Variants in EPHA6 observed in about 807,000 individuals in gnomAD.
EPHA6 encodes the protein ephrin type-A receptor 6.
EPHA6 carries 50 observed loss-of-function variants against 112.0 expected under a neutral mutation model. The ratio of observed to expected loss-of-function variants is 0.45; its 90% CI spans 0.36 to 0.56. The LOEUF is 0.56. Among genes scored for constraint, EPHA6 ranks in the 20% least tolerant of loss-of-function variants. EPHA6 has a pLI of 0.00. For synonymous variants in EPHA6, 529 were observed against 490.7 expected, an observed-to-expected ratio of 1.08 and a Z score of -1.03; for missense variants, 1,280 against 1,417.4, an observed-to-expected ratio of 0.90 and a Z score of 1.56.
intron 3 of EPHA6, among the ~76,000 whole-genome samples, chr3:97,176,851 T>C (rs2076849833): frequency 6.6e-6 from 1 of 151,924 alleles, no homozygotes; most frequent in Non-Finnish European, 1.5e-5. Flanking sequence ...TTCTGTTTCA[T>C]TGATCTTTTG....
chr3:97,018,448 G>A (rs917919772), intron 3 of EPHA6, among the ~76,000 whole-genome samples: 2 of 152,158 alleles, frequency 1.3e-5, no homozygotes, highest in African/African-American at 2.4e-5. Context: ...ACAAGACAAA[G>A]GGGCAGGATA....
intron 14 of EPHA6, among the ~76,000 whole-genome samples, chr3:97,702,895 A>G (rs970944951): frequency 6.6e-6 from 1 of 152,194 alleles, no homozygotes. Context: ...GAGTTAGACT[A>G]TTGACCCCAT....
chr3:97,401,067 C>T (rs1455404270), intron 5 of EPHA6, among the ~76,000 whole-genome samples: 1 of 151,664 alleles, frequency 6.6e-6, no homozygotes, highest in South Asian at 2.1e-4. Context: ...TCACATATGG[C>T]CTTTATTGTG....
intron 5 of EPHA6, among the ~76,000 whole-genome samples, chr3:97,302,372 T>C (rs1385645794): frequency 6.6e-6 from 1 of 151,904 alleles, no homozygotes; most frequent in Non-Finnish European, 1.5e-5. Context: ...AGAGTAAAAC[T>C]TGTTCCTAAA....
chr3:97,193,609 G>C (rs769288703), intron 3 of EPHA6, among the ~76,000 whole-genome samples: 6 of 149,668 alleles, frequency 4.0e-5, no homozygotes, highest in Non-Finnish European at 5.9e-5. Flanking sequence ...TTTTTTTTCT[G>C]ATTTGGTTGT....
Position 97,421,948 on chromosome 3 carries a change from A to T in EPHA6, c.1731+16674A>T, listed in dbSNP as rs149842114. 4.5e-4 allele frequency among the ~76,000 whole-genome samples: 69 copies of T among 152,212 alleles called. No homozygotes were observed. The East Asian group carries it at 0.012, about 26-fold the overall frequency. The stretch of plus-strand genomic sequence containing the variant: ...AGAAACTAGATTCCCACCTCATATC[A>T]TTCACAAATTTAAATCCAAGTGTTC... On this transcript the variant is annotated intron_variant, in intron 6 of 17. Transcript: ENST00000389672.
rs2092657532 is a variant in EPHA6, at chr3:97,528,714, C to G, written c.2201-3644C>G. On this transcript the variant is annotated intron_variant, in intron 10 of 17. Transcript: ENST00000389672. ...CAGATTGTCTCTTACTGCCTGTATGCTTCCCTCACAGATTTAGTTCAATTA... is the reference window on the plus strand; with the variant it reads ...CAGATTGTCTCTTACTGCCTGTATGGTTCCCTCACAGATTTAGTTCAATTA... 2.0e-5 allele frequency among the ~76,000 whole-genome samples: 3 copies of G among 152,208 alleles called. No individual in the cohort carries two copies. In the South Asian group the frequency reaches 6.2e-4, roughly 32 times the overall value.
At chr3:97,650,307 A>G (rs183112814) in intron 14 of EPHA6, among the ~76,000 whole-genome samples, 35 of 152,236 alleles carry the variant, frequency 2.3e-4, no homozygotes, top group Admixed American at 1.8e-3. Context: ...TATGAAATAT[A>G]CTGCTTAGGT....
rs2035240377 is a variant in EPHA6, at chr3:97,736,112, T to A, written c.3122T>A (p.Ile1041Asn). ...GCCCTTCACACCCTGGTGGAGGACATCCTTGTGTAAGAGGCATAATGTTGA... is the reference window on the plus strand; with the variant it reads ...GCCCTTCACACCCTGGTGGAGGACAACCTTGTGTAAGAGGCATAATGTTGA... ...PSALHTLVED[I>N]LVMPESPGEV... The change falls in exon 16 of 18, where the codon ATC (isoleucine) becomes AAC (asparagine). Residue 1041 changes from isoleucine (I) to asparagine (N), a missense_variant. This residue lies in a region of EPHA6 where 145 missense variants were observed against 153.3 expected (regional missense o/e 0.95). Coordinates refer to ENST00000389672, the MANE Select transcript of EPHA6 (RefSeq NM_001080448.3). The A allele has an allele frequency of 2.5e-6, 4 of 1,611,016 alleles. No homozygotes were observed. Among genetic ancestry groups the A allele is most frequent in the Non-Finnish European group, 3.4e-6 (4 of 1,178,128 alleles).
chr3:97,406,786 T>C (rs1343592942), intron 6 of EPHA6, among the ~76,000 whole-genome samples: 1 of 152,156 alleles, frequency 6.6e-6, no homozygotes, highest in African/African-American at 2.4e-5. Flanking sequence ...TGAGTTTAAA[T>C]TGGAATACAG....
chr3:97,038,396 A>G (rs2045189801), intron 3 of EPHA6, among the ~76,000 whole-genome samples: 1 of 152,016 alleles, frequency 6.6e-6, no homozygotes, highest in Non-Finnish European at 1.5e-5. Context: ...ATTATTAGTG[A>G]AAACATGCAA....
chr3:97,383,477 C>G (rs1295086127), intron 5 of EPHA6, among the ~76,000 whole-genome samples: 2 of 152,012 alleles, frequency 1.3e-5, no homozygotes, highest in African/African-American at 4.8e-5. Context: ...GGCATGATTT[C>G]TAGCCAAGTA....
chr3:97,512,193 C>G (rs1002427887), intron 10 of EPHA6, among the ~76,000 whole-genome samples: 4 of 151,954 alleles, frequency 2.6e-5, no homozygotes, highest in African/African-American at 9.7e-5. Context: ...TGTTATGGTC[C>G]TTGGAGAATA....
intron 3 of EPHA6, among the ~76,000 whole-genome samples, chr3:97,128,993 C>T (rs1559745799): frequency 6.6e-6 from 1 of 151,592 alleles, no homozygotes; most frequent in Non-Finnish European, 1.5e-5. Context: ...CCCACCTCAG[C>T]CTCCCAAATA....
chr3:97,573,584 AT>A (rs1406116604), intron 11 of EPHA6, among the ~76,000 whole-genome samples: 2 of 151,674 alleles, frequency 1.3e-5, no homozygotes, highest in African/African-American at 2.4e-5. Flanking sequence ...TTTATTTTTT[AT>A]TTTTTTAAAT....
intron 3 of EPHA6, among the ~76,000 whole-genome samples, chr3:97,031,421 G>T (rs1363276645): frequency 6.6e-6 from 1 of 152,020 alleles, no homozygotes; most frequent in East Asian, 1.9e-4. Context: ...AAAAGCAATG[G>T]CAACAAAAGC....
intron 6 of EPHA6, chr3:97,441,466 C>T: frequency 1.0e-6 from 1 of 969,516 alleles, no homozygotes; most frequent in South Asian, 4.8e-5. Context: ...AGACATCTGC[C>T]AAAAATGTAA....
chr3:97,046,649 A>T (rs1195495893), intron 3 of EPHA6, among the ~76,000 whole-genome samples: 3 of 152,178 alleles, frequency 2.0e-5, no homozygotes, highest in Non-Finnish European at 4.4e-5. Flanking sequence ...CAAATCAATA[A>T]TAGAATTCAG....
rs111445096 is a variant in EPHA6 at position 97,183,615 on chromosome 3, T to C, written c.1115-42649T>C. Among the ~76,000 whole-genome samples, 482 of 152,260 alleles carry C rather than the reference T, an allele frequency of 3.2e-3. 2 individuals carry two copies. Among genetic ancestry groups the C allele is most frequent in the African/African-American group, 0.01 (433 of 41,574 alleles). On this transcript the variant is annotated intron_variant, in intron 3 of 17. Coordinates refer to ENST00000389672, the MANE Select transcript of EPHA6 (RefSeq NM_001080448.3). ...TTTTTCTTTGTCAATATCTCATGTTTTCTTTAATTAAATTAAACATAATGG... is the reference window on the plus strand; with the variant it reads ...TTTTTCTTTGTCAATATCTCATGTTCTCTTTAATTAAATTAAACATAATGG...
Sources: allele counts gnomAD v4.1 joint callset (sites outside exome capture counted in the v4.1 genomes callset), GRCh38; gene constraint gnomAD v4.1.1; regional missense constraint gnomAD v4.1.1; transcripts MANE v1.5; gene names NCBI Gene and HGNC (gene_info 2026-07-23, HGNC 2026-07-21).